The following EBF1 variants were observed in gnomAD, a reference collection of about 807,000 sequenced individuals.
EBF1 encodes EBF transcription factor 1.
EBF1 carries 10 observed loss-of-function variants against 68.4 expected under a neutral mutation model. That is an observed-to-expected ratio of 0.15 (90% CI 0.09 to 0.25). The LOEUF is 0.25. Among genes scored for constraint, EBF1 ranks in the 10% least tolerant of loss-of-function variants. The probability of loss-of-function intolerance (pLI) is 1.00; values close to 1 mark genes in which losing one functional copy is unlikely to be tolerated. For synonymous variants in EBF1, 298 were observed against 299.8 expected (o/e 0.99, Z 0.06); for missense variants, 509 against 794.4 (o/e 0.64, Z 4.32).
intron 10 of EBF1, among the ~76,000 whole-genome samples, chr5:158,756,109 T>C (rs970943953): frequency 2.6e-5 from 4 of 152,124 alleles, no homozygotes; most frequent in Non-Finnish European, 5.9e-5. Context: ...TGTTGGGCTG[T>C]TGAGGTGAGT....
At position 158,873,159 on chromosome 5, in the gene EBF1, A is replaced by C. The variant is rs193281521; in HGVS notation, c.555-33049T>G. Among the ~76,000 whole-genome samples the C allele has an allele frequency of 2.7e-3, 411 of 152,150 alleles. 6 individuals carry two copies. Among genetic ancestry groups the C allele is most frequent in the East Asian group, 9.6e-4 (5 of 5,182 alleles). On this transcript the variant is annotated intron_variant, in intron 6 of 15. Transcript: ENST00000313708. ...TGGGACTCCTGTGCCATTAGAAATG[A>C]TTTTCATCAATACAAGTGAACCTTC...
intron 6 of EBF1, among the ~76,000 whole-genome samples, chr5:159,064,899 C>CTTTTTTTCTT (rs1776502659): frequency 1.5e-5 from 1 of 67,914 alleles, no homozygotes; most frequent in African/African-American, 6.1e-5. Context: ...CTCTTTTCAT[C>CTTTTTTTCTT]TTTTTTTTTT....
In EBF1 at chr5:158,696,607, C is replaced by T. The variant is rs1005314314; in HGVS notation, c.*2504G>A. On this transcript the variant is annotated 3_prime_UTR_variant, in exon 16 of 16. Transcript: ENST00000313708. ...CCTTTCTGAGTACCGAGAAGCAATG[C>T]GTCCACCTTGCTTACATTTTCCAGT... The T allele has an allele frequency of 5.0e-5, 11 of 219,162 alleles. No homozygotes were observed. The highest frequency in any genetic ancestry group is 7.3e-5 in the Non-Finnish European group (8 of 109,136). 13.6% of individuals were successfully genotyped at this position (219,162 alleles called of 1,614,324 possible).
chr5:158,959,743 T>G (rs932373904), intron 6 of EBF1, among the ~76,000 whole-genome samples: 55 of 152,168 alleles, frequency 3.6e-4, no homozygotes, highest in African/African-American at 1.3e-3. Context: ...CTTTAATACA[T>G]TACTCAACTT....
chr5:158,991,159 C>T (rs1017323726), intron 6 of EBF1, among the ~76,000 whole-genome samples: 12 of 152,212 alleles, frequency 7.9e-5, no homozygotes, highest in Admixed American at 2.6e-4. Flanking sequence ...TTAATAATCC[C>T]TACCCCTGGC....
intron 8 of EBF1, among the ~76,000 whole-genome samples, chr5:158,803,163 G>T (rs1780924243): frequency 6.6e-6 from 1 of 152,030 alleles, no homozygotes; most frequent in South Asian, 2.1e-4. Flanking sequence ...AAACCCATGA[G>T]CTCAGCTCAT....
rs114260561 is a variant in EBF1, at chr5:158,905,457, C to T, written c.555-65347G>A. ...CAGTGGCATTTTGGCATTGCGATAG[C>T]ACTGGATGAGGATTAAGTCATTTCT... On this transcript the variant is annotated intron_variant, in intron 6 of 15. Coordinates refer to ENST00000313708, the MANE Select transcript of EBF1 (RefSeq NM_024007.5). Among the ~76,000 whole-genome samples, 932 of 152,270 alleles carry T rather than the reference C, an allele frequency of 6.1e-3. 16 individuals are homozygous for T. Among genetic ancestry groups the T allele is most frequent in the African/African-American group, 0.021 (887 of 41,558 alleles).
intron 6 of EBF1, among the ~76,000 whole-genome samples, chr5:159,048,138 T>C (rs1373531491): frequency 6.6e-6 from 1 of 152,212 alleles, no homozygotes; most frequent in Non-Finnish European, 1.5e-5. Flanking sequence ...AGACATACAA[T>C]GAGCACTCAA....
intron 10 of EBF1, among the ~76,000 whole-genome samples, chr5:158,776,837 A>G (rs1486464138): frequency 6.6e-6 from 1 of 152,194 alleles, no homozygotes; most frequent in African/African-American, 2.4e-5. Context: ...ATGTCATTCC[A>G]CAGAGATGCT....
At chr5:159,017,226 G>T (rs923600442) in intron 6 of EBF1, among the ~76,000 whole-genome samples, 3 of 152,132 alleles carry the variant, frequency 2.0e-5, no homozygotes, top group African/African-American at 4.8e-5. Context: ...TAGCTACCCT[G>T]CAGCTATAAA....
rs147616043 is a variant in EBF1, at chr5:158,942,100, A to G, written c.555-101990T>C. On this transcript the variant is annotated intron_variant, in intron 6 of 15. Coordinates refer to ENST00000313708, the MANE Select transcript of EBF1 (RefSeq NM_024007.5). Reference sequence around the variant, plus strand: ...GCAGTGGGTAAAAATTCAGATATTAATACATATATCATTTAGGGGATTTCT... The same window carrying G: ...GCAGTGGGTAAAAATTCAGATATTAGTACATATATCATTTAGGGGATTTCT... 2.0e-5 allele frequency among the ~76,000 whole-genome samples: 3 copies of G among 152,364 alleles called. No individual in the cohort carries two copies. In the East Asian group the frequency reaches 5.8e-4, roughly 29 times the overall value.
At chr5:158,849,275 C>T (rs1165971177) in intron 6 of EBF1, among the ~76,000 whole-genome samples, 3 of 152,156 alleles carry the variant, frequency 2.0e-5, no homozygotes, top group African/African-American at 7.2e-5. Flanking sequence ...AATATGCTCT[C>T]CTACTCTTCA....
At chr5:158,944,850 G>A (rs937586125) in intron 6 of EBF1, among the ~76,000 whole-genome samples, 4 of 152,076 alleles carry the variant, frequency 2.6e-5, no homozygotes, top group African/African-American at 9.7e-5. Flanking sequence ...TATGTTTGTT[G>A]GCCACATAAA....
At chr5:158,973,952 G>A (rs17056369) in intron 6 of EBF1, among the ~76,000 whole-genome samples, 2,539 of 152,266 alleles carry the variant, frequency 0.017, 31 homozygotes, top group East Asian at 0.047. Flanking sequence ...GAAATGCACA[G>A]ACACCTAGAT....
intron 6 of EBF1, among the ~76,000 whole-genome samples, chr5:158,921,789 T>C (rs529422144): frequency 1.3e-5 from 2 of 152,316 alleles, no homozygotes; most frequent in South Asian, 4.2e-4. Context: ...GCCCAATAAT[T>C]GGCACAGCAA....
chr5:158,918,817 G>C (rs1279358607), intron 6 of EBF1, among the ~76,000 whole-genome samples: 1 of 152,234 alleles, frequency 6.6e-6, no homozygotes, highest in Non-Finnish European at 1.5e-5. Context: ...ATTAGGGCAA[G>C]TTACTGTCCA....
intron 6 of EBF1, among the ~76,000 whole-genome samples, chr5:158,948,862 G>T (rs1187303187): frequency 6.6e-6 from 1 of 152,064 alleles, no homozygotes; most frequent in East Asian, 1.9e-4. Context: ...TTCATTCCCT[G>T]CCTCCCGCCC....
intron 6 of EBF1, among the ~76,000 whole-genome samples, chr5:158,986,716 G>A (rs1288461434): frequency 6.6e-6 from 1 of 152,194 alleles, no homozygotes. Context: ...GGGAAGGGGA[G>A]AGAAAATTCC....
intron 6 of EBF1, among the ~76,000 whole-genome samples, chr5:159,068,476 T>C (rs1377073884): frequency 6.6e-6 from 1 of 152,122 alleles, no homozygotes; most frequent in African/African-American, 2.4e-5. Context: ...CATATGGGCA[T>C]ATATGTTATA....
Sources: gnomAD v4.1 joint callset for allele counts (sites outside exome capture counted in the v4.1 genomes callset) on GRCh38, gnomAD v4.1.1 for gene constraint, MANE v1.5 for transcripts, NCBI Gene and HGNC (gene_info 2026-07-23, HGNC 2026-07-21) for gene names.